Variants in FASTKD5 observed in about 807,000 individuals in gnomAD.
FASTKD5 encodes the protein non-canonical pre-mRNAs endonuclease FASTKD5, mitochondrial.
In FASTKD5, 30 loss-of-function variants were observed where a neutral mutation model predicts 44.0. That is an observed-to-expected ratio of 0.68 (90% CI 0.51 to 0.93). FASTKD5 has a LOEUF of 0.93. Ranked by LOEUF, FASTKD5 falls within the 40% of genes least tolerant of loss-of-function variation. The pLI is 0.00. For synonymous variants in FASTKD5, 335 were observed against 342.2 expected (o/e 0.98, Z 0.23); for missense variants, 868 against 908.2 (o/e 0.96, Z 0.57).
intron 1 of FASTKD5, among the ~76,000 whole-genome samples, chr20:3,159,524 T>C (rs1401786060): frequency 6.6e-6 from 1 of 152,036 alleles, no homozygotes. Context: ...GGAAAAAAAA[T>C]CAAGGGTCAG....
chr20:3,146,972 T>C lies in FASTKD5; in HGVS notation c.2099A>G (p.Gln700Arg). The change falls in exon 2 of 2, where the codon CAG becomes CGG. Residue 700 changes from glutamine (Q) to arginine (R), a missense_variant. By Grantham distance (43) the Gln-to-Arg change is conservative. Transcript: ENST00000380266. ...GCAATACTGGTTCCTGTTTGTGAAC[T>C]GAACAGCCAGCTTCATTCTTGGGGT... The part of the protein sequence containing the change: ...MQTPRMKLAV[Q>R]FTNRNQYCYG... 6.2e-7 allele frequency: 1 copy of C among 1,614,198 alleles called. No individual in the cohort carries two copies. Among genetic ancestry groups the C allele is most frequent in the Non-Finnish European group, 8.5e-7 (1 of 1,180,038 alleles).
In FASTKD5 at chr20:3,147,523, G is replaced by A. The variant is rs1485614407; in HGVS notation, c.1548C>T (p.Thr516=). Residue 516 remains threonine (T), a synonymous_variant, in exon 2 of 2, where the codon ACC becomes ACT. Transcript: ENST00000380266. ...ACTCAATGCCAACTGTACCATCGAG[G>A]GTATATAGTTCCTTAAGGAGGTCAA... The part of the protein sequence containing the change: ...TKFDLLKELY[T]LDGTVGIECP... The A allele has an allele frequency of 1.5e-5, 24 of 1,614,014 alleles. No individual in the cohort carries two copies. Among genetic ancestry groups the A allele is most frequent in the Non-Finnish European group, 2.0e-5 (24 of 1,180,030 alleles).
Position 3,147,701 on chromosome 20 carries a change from TCA to T in FASTKD5, c.1368_1369del (p.Ser456ArgfsTer8). 6.2e-7 allele frequency: 1 copy of T among 1,614,248 alleles called. No individual in the cohort carries two copies. The highest frequency in any genetic ancestry group is 8.5e-7 in the Non-Finnish European group (1 of 1,180,048). The stretch of plus-strand genomic sequence containing the variant: ...GAATTCAGGCATCTTTCTGTGAATC[TCA>T]CTTATCAGGCTGGAGTAAAATTCTT... On this transcript the variant is annotated frameshift_variant, in exon 2 of 2. Transcript: ENST00000380266. LOFTEE classifies it high-confidence loss of function.
Position 3,146,918 on chromosome 20 carries a change from T to A in FASTKD5, c.2153A>T (p.His718Leu). Residue 718 changes from histidine (H) to leucine (L), a missense_variant, in exon 2 of 2, where the codon CAC (histidine) becomes CTC (leucine). His to Leu is a moderately conservative substitution (Grantham distance 99). Transcript: ENST00000380266. Reference sequence around the variant, plus strand: ...AGCCAGCTGCCGCCTCTTCATATTGTGCAGTCCAAGGAGATCCCTGGAGCC... The same window carrying A: ...AGCCAGCTGCCGCCTCTTCATATTGAGCAGTCCAAGGAGATCCCTGGAGCC... ...CYGSRDLLGL[H>L]NMKRRQLARL... 6.2e-7 allele frequency: 1 copy of A among 1,614,214 alleles called. No individual in the cohort carries two copies. The highest frequency in any genetic ancestry group is 8.5e-7 in the Non-Finnish European group (1 of 1,180,038).
rs2066585934 is a variant in FASTKD5 at position 3,148,013 on chromosome 20, C to T, written c.1058G>A (p.Ser353Asn). 1.2e-6 allele frequency: 2 copies of T among 1,614,188 alleles called. No homozygotes were observed. Among genetic ancestry groups the T allele is most frequent in the African/African-American group, 1.3e-5 (1 of 75,048 alleles). The change falls in exon 2 of 2, where the codon AGT becomes AAT. Residue 353 changes from serine (S) to asparagine (N), a missense_variant. Coordinates refer to ENST00000380266, the MANE Select transcript of FASTKD5 (RefSeq NM_021826.5). The part of the protein sequence containing the change: ...LACANIQHLS[S>N]RSLVNIVKMF... Reference sequence around the variant, plus strand: ...TTTAACAATATTCACTAAGGAGCGACTACTCAGATGCTGAATGTTAGCACA... The same window carrying T: ...TTTAACAATATTCACTAAGGAGCGATTACTCAGATGCTGAATGTTAGCACA...
In FASTKD5 at chr20:3,154,027, C is replaced by T. The variant is rs575219300; in HGVS notation, c.-190-4767G>A. Reference sequence around the variant, plus strand: ...AAGAGAAGACCTCAAAGGCTGAAATCTACATGAGGCAAAGAGTTCGCAGGA... The same window carrying T: ...AAGAGAAGACCTCAAAGGCTGAAATTTACATGAGGCAAAGAGTTCGCAGGA... On this transcript the variant is annotated intron_variant, in intron 1 of 1. Coordinates refer to ENST00000380266, the MANE Select transcript of FASTKD5 (RefSeq NM_021826.5). Among the ~76,000 whole-genome samples the T allele has an allele frequency of 2.0e-5, 3 of 152,262 alleles. No individual in the cohort carries two copies. In the South Asian group the frequency reaches 6.2e-4, roughly 32 times the overall value.
At chr20:3,153,600 G>A (rs1568483960) in intron 1 of FASTKD5, among the ~76,000 whole-genome samples, 3 of 152,106 alleles carry the variant, frequency 2.0e-5, no homozygotes, top group African/African-American at 4.8e-5. Context: ...AAACAGGTTC[G>A]GGGGGCAGTA....
chr20:3,158,676 A>T (rs553442101), intron 1 of FASTKD5, among the ~76,000 whole-genome samples: 2 of 151,980 alleles, frequency 1.3e-5, no homozygotes, highest in Admixed American at 1.3e-4. Flanking sequence ...GGGTTTCACC[A>T]TATTAGCCAA....
rs369758244 is a variant in FASTKD5, at chr20:3,147,092, T to C, written c.1979A>G (p.Lys660Arg). Residue 660 changes from lysine (K) to arginine (R), a missense_variant, in exon 2 of 2, where the codon AAG becomes AGG. By Grantham distance (26) the Lys-to-Arg change is conservative. Transcript: ENST00000380266. The part of the protein sequence containing the change: ...PGQQPMELEN[K>R]AAVPLGGFLC... ...GAAGCCCCCCAGAGGTACAGCTGCCTTATTCTCCAACTCCATGGGCTGCTG... is the reference window on the plus strand; with the variant it reads ...GAAGCCCCCCAGAGGTACAGCTGCCCTATTCTCCAACTCCATGGGCTGCTG... 6.8e-6 allele frequency: 11 copies of C among 1,614,026 alleles called. No homozygotes were observed. The highest frequency in any genetic ancestry group is 5.1e-6 in the Non-Finnish European group (6 of 1,180,052).
In FASTKD5 at chr20:3,149,271, G is replaced by A; in HGVS notation, c.-190-11C>T. 3 of 565,560 alleles carry A rather than the reference G, an allele frequency of 5.3e-6. No homozygotes were observed. The highest frequency in any genetic ancestry group is 9.4e-6 in the Non-Finnish European group (3 of 320,556). 35.0% of individuals were successfully genotyped at this position (565,560 alleles called of 1,614,324 possible). A position where few individuals can be genotyped will look rare whatever the true frequency, so the allele number is the denominator to read the frequency against. On this transcript the variant is annotated splice_polypyrimidine_tract_variant and intron_variant, in intron 1 of 1. Transcript: ENST00000380266. This position sits in a 1 kb window ranked among gnomAD's most constrained non-coding sequence, Gnocchi z 4.1. ...AATTGGTGCCAGATACTGAAAAAAG[G>A]GTAGATGAAGAATGAGTGGCTTCTA...
chr20:3,148,931 A>C lies in FASTKD5; in HGVS notation c.140T>G (p.Ile47Ser). Reference protein sequence around the residue: ...QHGGQDPPEHISLCHSAKKVK... With the variant: ...QHGGQDPPEHSSLCHSAKKVK... ...TTTTTTGGCAGAATGGCAGAGGCTAATGTGTTCTGGAGGGTCCTGTCCCCC... is the reference window on the plus strand; with the variant it reads ...TTTTTTGGCAGAATGGCAGAGGCTACTGTGTTCTGGAGGGTCCTGTCCCCC... Residue 47 changes from isoleucine to serine, a missense_variant, in exon 2 of 2, where the codon ATT becomes AGT. Ile to Ser is a moderately radical substitution (Grantham distance 142, BLOSUM62 -2). Coordinates refer to ENST00000380266, the MANE Select transcript of FASTKD5 (RefSeq NM_021826.5). The C allele has an allele frequency of 6.2e-7, 1 of 1,614,204 alleles. No individual in the cohort carries two copies. The highest frequency in any genetic ancestry group is 1.3e-5 in the African/African-American group (1 of 75,040).
At chr20:3,152,234 A>C (rs2066636148) in intron 1 of FASTKD5, among the ~76,000 whole-genome samples, 1 of 151,774 alleles carries the variant, frequency 6.6e-6, no homozygotes, top group Non-Finnish European at 1.5e-5. Flanking sequence ...TAATCCCAGC[A>C]CTTTGGGAGG....
chr20:3,148,457 T>A lies in FASTKD5; in HGVS notation c.614A>T (p.Asp205Val). ...AAAAGCTTTCAAAACATTGATCAGA[T>A]CTTGGGTATCAAAGAGCTGTATCTT... ...VKKIQLFDTQ[D>V]LINVLKAFVI... is the part of the protein sequence containing the mutation. Residue 205 changes from aspartate to valine, a missense_variant, in exon 2 of 2, where the codon GAT becomes GTT. By Grantham distance (152) the Asp-to-Val change is radical. Coordinates refer to ENST00000380266, the MANE Select transcript of FASTKD5 (RefSeq NM_021826.5). 1 of 1,614,104 alleles carries A rather than the reference T, an allele frequency of 6.2e-7. No homozygotes were observed. The highest frequency in any genetic ancestry group is 8.5e-7 in the Non-Finnish European group (1 of 1,180,024).
Position 3,146,681 on chromosome 20 carries a change from T to C in FASTKD5, c.*95A>G. 1 of 1,422,608 alleles carries C rather than the reference T, an allele frequency of 7.0e-7. No homozygotes were observed. Among genetic ancestry groups the C allele is most frequent in the Non-Finnish European group, 9.6e-7 (1 of 1,046,934 alleles). The allele number at this position is 1,422,608 out of a possible 1,614,324, so 88.1% of individuals were successfully genotyped here. A position where few individuals can be genotyped will look rare whatever the true frequency, so the allele number is the denominator to read the frequency against. ...TAAGTCTCCTCAACACACTATTTTA[T>C]CGCCAAACTTACATTCTGGCTTTTA... On this transcript the variant is annotated 3_prime_UTR_variant, in exon 2 of 2. Coordinates refer to ENST00000380266, the MANE Select transcript of FASTKD5 (RefSeq NM_021826.5).
At chr20:3,152,655 C>G (rs1261551780) in intron 1 of FASTKD5, among the ~76,000 whole-genome samples, 3 of 152,082 alleles carry the variant, frequency 2.0e-5, no homozygotes, top group Non-Finnish European at 4.4e-5. Flanking sequence ...CACCTATAAT[C>G]CCAGCACTTC....
At chr20:3,153,371 C>G (rs2066650797) in intron 1 of FASTKD5, among the ~76,000 whole-genome samples, 2 of 152,174 alleles carry the variant, frequency 1.3e-5, no homozygotes, top group African/African-American at 4.8e-5. Context: ...AGGCTTAGAG[C>G]CTTGTAAAGC....
intron 1 of FASTKD5, among the ~76,000 whole-genome samples, chr20:3,152,741 C>T (rs577244071): frequency 3.9e-5 from 6 of 151,914 alleles, no homozygotes; most frequent in Non-Finnish European, 8.8e-5. Context: ...AACGCCATCT[C>T]TACTAAAAAT....
In FASTKD5 at chr20:3,148,854, T is replaced by G. The variant is rs900011789; in HGVS notation, c.217A>C (p.Ser73Arg). ...FSSRRILTTS[S>R]AHPGLEFSKT... is the part of the protein sequence containing the mutation. ...CTGAATTCCAAACCTGGGTGGGCAC[T>G]GCTGGTTGTCAGGATTCTCCGAGAA... The change falls in exon 2 of 2, where the codon AGT becomes CGT. Residue 73 changes from serine to arginine, a missense_variant. By Grantham distance (110) the Ser-to-Arg change is moderately radical. Coordinates refer to ENST00000380266, the MANE Select transcript of FASTKD5 (RefSeq NM_021826.5). 1.4e-5 allele frequency: 22 copies of G among 1,614,122 alleles called. No individual in the cohort carries two copies. Among genetic ancestry groups the G allele is most frequent in the Admixed American group, 1.7e-5 (1 of 60,012 alleles).
At chr20:3,151,465 T>C (rs1056103622) in intron 1 of FASTKD5, among the ~76,000 whole-genome samples, 8 of 152,184 alleles carry the variant, frequency 5.3e-5, no homozygotes, top group Admixed American at 2.6e-4. Flanking sequence ...TGATCTCTGC[T>C]ACACACTATT....
Sources: allele counts gnomAD v4.1 joint callset (sites outside exome capture counted in the v4.1 genomes callset), GRCh38; gene constraint gnomAD v4.1.1; non-coding constraint Gnocchi (gnomAD v3.1); transcripts MANE v1.5; gene names NCBI Gene and HGNC (gene_info 2026-07-23, HGNC 2026-07-21).